CPNE5: variants seen among roughly 807,000 people sequenced by gnomAD.
CPNE5 encodes copine 5.
Under a neutral mutation model 81.1 loss-of-function variants are expected in CPNE5, and 42 were observed. That is an observed-to-expected ratio of 0.52 (90% CI 0.40 to 0.67). The LOEUF is 0.67. CPNE5 is among the 30% of genes least tolerant of loss of function. The pLI is 0.00. For synonymous variants in CPNE5, 313 were observed against 321.5 expected, an observed-to-expected ratio of 0.97 and a Z score of 0.28; for missense variants, 612 against 815.5, an observed-to-expected ratio of 0.75 and a Z score of 3.04.
chr6:36,809,161 T>G (rs1770869663), intron 3 of CPNE5, among the ~76,000 whole-genome samples: 2 of 151,956 alleles, frequency 1.3e-5, no homozygotes, highest in Non-Finnish European at 2.9e-5. Context: ...CCTAACACCC[T>G]GCCCAACCTC....
chr6:36,794,914 C>T lies in CPNE5; in HGVS notation c.405-265G>A, dbSNP rs1049989337. Among the ~76,000 whole-genome samples the T allele has an allele frequency of 2.6e-5, 4 of 152,234 alleles. No homozygotes were observed. In the East Asian group the frequency reaches 5.8e-4, roughly 22 times the overall value. On this transcript the variant is annotated intron_variant, in intron 6 of 20. Transcript: ENST00000244751. ...TTAATAGGAATGTAAATTCCCAGGC[C>T]GAGCCCATACCCACAGGATCAGGAA... is the stretch of plus-strand genomic sequence containing the variant.
chr6:36,768,029 C>T (rs576970408), intron 10 of CPNE5, among the ~76,000 whole-genome samples: 2 of 152,210 alleles, frequency 1.3e-5, no homozygotes, highest in East Asian at 3.9e-4. Context: ...GTTGAGACCA[C>T]TGAATGAGAT....
At chr6:36,798,570 T>C (rs1769805371) in intron 4 of CPNE5, 76 bp from the exon 5 acceptor site, 1 of 1,360,670 alleles carries the variant, frequency 7.3e-7, no homozygotes, top group African/African-American at 1.4e-5. Flanking sequence ...TCAAGTTGAG[T>C]CAGGGCCCCT....
At chr6:36,818,143 A>G (rs1018734468) in intron 3 of CPNE5, among the ~76,000 whole-genome samples, 1 of 151,946 alleles carries the variant, frequency 6.6e-6, no homozygotes, top group African/African-American at 2.4e-5. Context: ...CTTCCAACCC[A>G]TATCTCCTCT....
At chr6:36,816,361 A>C (rs991104284) in intron 3 of CPNE5, among the ~76,000 whole-genome samples, 4 of 152,204 alleles carry the variant, frequency 2.6e-5, no homozygotes, top group African/African-American at 9.6e-5. Context: ...GGGAAGATGG[A>C]GCTTTCTCAG....
chr6:36,784,804 G>A (rs1160467770), intron 8 of CPNE5, among the ~76,000 whole-genome samples: 1 of 152,024 alleles, frequency 6.6e-6, no homozygotes, highest in Non-Finnish European at 1.5e-5. Context: ...ATAGCCATGT[G>A]TGGTGGTGCG....
chr6:36,746,567 T>C lies in CPNE5; in HGVS notation c.1029A>G (p.Ser343=), dbSNP rs370112494. Residue 343 remains serine (S), a synonymous_variant, in exon 16 of 21, where the codon TCA becomes TCG. Transcript: ENST00000244751. The surrounding 1 kb of genome is among the most constrained non-coding windows in gnomAD (Gnocchi z 4.5). ...IDFTASNGNP[S]QSTSLHYMSP... is the part of the protein sequence containing the mutation. ...TCATGTAGTGCAGGGATGTGGACTGTGAGGGGTTCCCTGTAACACAGGACA... is the reference window on the plus strand; with the variant it reads ...TCATGTAGTGCAGGGATGTGGACTGCGAGGGGTTCCCTGTAACACAGGACA... 20 of 1,611,454 alleles carry C rather than the reference T, an allele frequency of 1.2e-5. No homozygotes were observed. Among genetic ancestry groups the C allele is most frequent in the Non-Finnish European group, 1.6e-5 (19 of 1,178,832 alleles).
At chr6:36,765,902 C>T (rs1013241660) in intron 10 of CPNE5, among the ~76,000 whole-genome samples, 17 of 152,296 alleles carry the variant, frequency 1.1e-4, no homozygotes, top group African/African-American at 4.1e-4. Context: ...TCCATCCCCA[C>T]GACTGGCTCC....
At chr6:36,813,141 C>T (rs995329781) in intron 3 of CPNE5, among the ~76,000 whole-genome samples, 2 of 152,228 alleles carry the variant, frequency 1.3e-5, no homozygotes, top group African/African-American at 4.8e-5. Flanking sequence ...AAATTATCTT[C>T]CTGCTTCTGC....
chr6:36,745,024 C>A, intron 18 of CPNE5, 24 bp downstream of exon 18: 1 of 1,554,342 alleles, frequency 6.4e-7, no homozygotes, highest in Non-Finnish European at 8.9e-7. Flanking sequence ...AAACCGCCTC[C>A]CCCACCGCAC....
At chr6:36,823,369 C>T (rs541474561) in intron 1 of CPNE5, among the ~76,000 whole-genome samples, 1 of 152,320 alleles carries the variant, frequency 6.6e-6, no homozygotes, top group Non-Finnish European at 1.5e-5. Context: ...GTCTTGGTGC[C>T]CTGTGTCGCA....
intron 13 of CPNE5, among the ~76,000 whole-genome samples, chr6:36,753,700 C>T (rs1056987309): frequency 3.9e-5 from 6 of 152,248 alleles, no homozygotes; most frequent in South Asian, 2.1e-4. Context: ...CTGACTACCC[C>T]AGGCCCCCTC....
Position 36,742,319 on chromosome 6 carries a change from C to A in CPNE5, c.1731G>T (p.Ser577=), listed in dbSNP as rs759341832. 1 of 1,609,994 alleles carries A rather than the reference C, an allele frequency of 6.2e-7. No homozygotes were observed. The highest frequency in any genetic ancestry group is 1.1e-5 in the South Asian group (1 of 90,958). Reference sequence around the variant, plus strand: ...CAGGGGGCGTGCGGGCTGGGGACTGCGAGGGCGAGTGGGTTGGTGCTGCGG... The same window carrying A: ...CAGGGGGCGTGCGGGCTGGGGACTGAGAGGGCGAGTGGGTTGGTGCTGCGG... The part of the protein sequence containing the change: ...PPPAAPTHSP[S]QSPARTPPAS... Residue 577 remains serine, a synonymous_variant, in exon 21 of 21, where the codon TCG becomes TCT. Coordinates refer to ENST00000244751, the MANE Select transcript of CPNE5 (RefSeq NM_020939.2).
At chr6:36,838,040 G>T (rs4714016) in intron 1 of CPNE5, among the ~76,000 whole-genome samples, 19 of 152,228 alleles carry the variant, frequency 1.2e-4, no homozygotes, top group Admixed American at 9.2e-4. Flanking sequence ...CCTGGCTTAG[G>T]GGGGAAGCTA....
In CPNE5 at chr6:36,768,747, A is replaced by G. The variant is rs1319747678; in HGVS notation, c.738-3371T>C. 3.3e-5 allele frequency among the ~76,000 whole-genome samples: 5 copies of G among 152,138 alleles called. No individual in the cohort carries two copies. The East Asian group carries it at 9.6e-4, about 29-fold the overall frequency. ...GGCTTCTGCAGACCACCAAATGAAC[A>G]CCTTATCTGGCATACAAAGGCTCAG... On this transcript the variant is annotated intron_variant, in intron 10 of 20. Coordinates refer to ENST00000244751, the MANE Select transcript of CPNE5 (RefSeq NM_020939.2).
chr6:36,753,104 CA>C lies in CPNE5; in HGVS notation c.910-10del. ...AAGGAAAGCAGGGTGACCTTCAAAA[CA>C]AAAGGGAGCTTGGTCAGTGGGGAGC... On this transcript the variant is annotated splice_polypyrimidine_tract_variant and intron_variant, in intron 13 of 20. Coordinates refer to ENST00000244751, the MANE Select transcript of CPNE5 (RefSeq NM_020939.2). The C allele has an allele frequency of 6.2e-7, 1 of 1,612,244 alleles. No homozygotes were observed. Among genetic ancestry groups the C allele is most frequent in the Middle Eastern group, 1.7e-4 (1 of 6,048 alleles).
chr6:36,839,576 G>C (rs576210382), upstream of CPNE5: 5 of 483,398 alleles, frequency 1.0e-5, no homozygotes, highest in East Asian at 1.4e-4. This position sits in a 1 kb window ranked among gnomAD's most constrained non-coding sequence, Gnocchi z 7.3. Context: ...GGATCGAGGA[G>C]GGGGCTCGGG....
At chr6:36,750,963 G>A (rs1438306014) in intron 14 of CPNE5, among the ~76,000 whole-genome samples, 1 of 152,218 alleles carries the variant, frequency 6.6e-6, no homozygotes, top group Non-Finnish European at 1.5e-5. Context: ...CCTGCCTAAG[G>A]GTAGAACACA....
chr6:36,761,446 A>G (rs958624725), intron 12 of CPNE5, among the ~76,000 whole-genome samples: 1 of 150,958 alleles, frequency 6.6e-6, no homozygotes, highest in African/African-American at 2.5e-5. Context: ...GCCCTTGGAA[A>G]GTCTAGTTGG....
Sources: allele counts gnomAD v4.1 joint callset (sites outside exome capture counted in the v4.1 genomes callset), GRCh38; gene constraint gnomAD v4.1.1; non-coding constraint Gnocchi (gnomAD v3.1); transcripts MANE v1.5; gene names NCBI Gene and HGNC (gene_info 2026-07-23, HGNC 2026-07-21).